Variants in NME7 observed in about 807,000 individuals in gnomAD.
NME7 encodes the protein nucleoside diphosphate kinase 7.
NME7 carries 41 observed loss-of-function variants against 49.1 expected under a neutral mutation model. The observed-to-expected ratio is 0.83, with a 90% confidence interval of 0.65 to 1.08. The LOEUF is 1.08. Ranked by LOEUF, NME7 falls within the 50% of genes least tolerant of loss-of-function variation. The pLI is 0.00. For synonymous variants in NME7, 139 were observed against 150.6 expected (o/e 0.92, Z 0.56); for missense variants, 423 against 463.4 (o/e 0.91, Z 0.80).
At position 169,242,293 on chromosome 1, in the gene NME7, A is replaced by G. The variant is rs540572008; in HGVS notation, c.755-4606T>C. On this transcript the variant is annotated intron_variant, in intron 7 of 11. Coordinates refer to ENST00000367811, the MANE Select transcript of NME7 (RefSeq NM_013330.5). ...TAAGGAAGAAAAATCACATGAACAC[A>G]TCAATATATGTTGATCACATATCTA... Among the ~76,000 whole-genome samples, 44 of 152,234 alleles carry G rather than the reference A, an allele frequency of 2.9e-4. No homozygotes were observed. The South Asian group carries it at 4.8e-3, about 16-fold the overall frequency.
intron 5 of NME7, among the ~76,000 whole-genome samples, chr1:169,302,895 C>T (rs1444510089): frequency 6.6e-6 from 1 of 151,976 alleles, no homozygotes; most frequent in Non-Finnish European, 1.5e-5. Flanking sequence ...AAAAGTTATC[C>T]TTCTTGTAAT....
chr1:169,352,431 A>C (rs1282380329), intron 1 of NME7, among the ~76,000 whole-genome samples: 2 of 152,134 alleles, frequency 1.3e-5, no homozygotes, highest in African/African-American at 4.8e-5. Context: ...CATATACTTC[A>C]ACATAATAAA....
At chr1:169,273,483 TA>T (rs1298615274) in intron 7 of NME7, among the ~76,000 whole-genome samples, 1 of 131,920 alleles carries the variant, frequency 7.6e-6, no homozygotes, top group African/African-American at 2.6e-5. Context: ...TATTATACTT[TA>T]AGTTTTAGGG....
chr1:169,339,162 CA>C (rs1652589761), intron 1 of NME7, among the ~76,000 whole-genome samples: 2 of 152,140 alleles, frequency 1.3e-5, no homozygotes, highest in Admixed American at 6.5e-5. Context: ...CTTCCATATT[CA>C]AAAAACTCCC....
intron 7 of NME7, among the ~76,000 whole-genome samples, chr1:169,252,113 C>T (rs1571327494): frequency 6.7e-6 from 1 of 149,614 alleles, no homozygotes; most frequent in South Asian, 2.2e-4. Flanking sequence ...ATTTCCAGTT[C>T]TAGATCCCTG....
intron 1 of NME7, among the ~76,000 whole-genome samples, chr1:169,347,317 A>G (rs1384929185): frequency 6.6e-6 from 1 of 152,220 alleles, no homozygotes; most frequent in Non-Finnish European, 1.5e-5. Context: ...TAACAACTAC[A>G]CTTGATCTGA....
intron 10 of NME7, among the ~76,000 whole-genome samples, chr1:169,225,687 C>A: frequency 6.6e-6 from 1 of 151,868 alleles, no homozygotes; most frequent in East Asian, 1.9e-4. Context: ...CTAATATTTC[C>A]CCCCTCCCTA....
chr1:169,316,904 G>A (rs1651650528), intron 3 of NME7, among the ~76,000 whole-genome samples: 1 of 150,738 alleles, frequency 6.6e-6, no homozygotes, highest in Non-Finnish European at 1.5e-5. Context: ...GTAGTAATTT[G>A]TTATAACTTC....
At chr1:169,189,242 A>G (rs534420113) in intron 10 of NME7, among the ~76,000 whole-genome samples, 1 of 152,342 alleles carries the variant, frequency 6.6e-6, no homozygotes, top group East Asian at 1.9e-4. Flanking sequence ...TAACTTATAC[A>G]TATTAACAGG....
At chr1:169,224,437 C>T (rs1363158023) in intron 10 of NME7, among the ~76,000 whole-genome samples, 1 of 152,164 alleles carries the variant, frequency 6.6e-6, no homozygotes, top group Non-Finnish European at 1.5e-5. Flanking sequence ...GCTAAGCTGT[C>T]TTCAGGTGTG....
intron 11 of NME7, among the ~76,000 whole-genome samples, chr1:169,154,094 A>G (rs1392687558): frequency 1.3e-5 from 2 of 152,056 alleles, no homozygotes; most frequent in Non-Finnish European, 1.5e-5. Flanking sequence ...GCTCATGGCA[A>G]CTTTGACCTC....
chr1:169,169,211 G>C lies in NME7; in HGVS notation c.1098+236C>G, dbSNP rs77423712. 2,824 of 411,762 alleles carry C rather than the reference G, an allele frequency of 6.9e-3. 54 individuals are homozygous for C. Among genetic ancestry groups the C allele is most frequent in the African/African-American group, 0.047 (2,305 of 48,736 alleles). The allele number at this position is 411,762 out of a possible 1,614,324, so 25.5% of individuals were successfully genotyped here. ...CACATACCAGGACTTGTCAGGGGGT[G>C]GGGGGGATAGGGGAGGGATAACATT... On this transcript the variant is annotated intron_variant, in intron 11 of 11. Transcript: ENST00000367811.
intron 10 of NME7, among the ~76,000 whole-genome samples, chr1:169,204,492 T>A (rs1208372): frequency 2.6e-4 from 40 of 152,074 alleles, no homozygotes; most frequent in African/African-American, 9.2e-4. Flanking sequence ...TTACTCAGCC[T>A]TGCAATCTCA....
intron 7 of NME7, among the ~76,000 whole-genome samples, chr1:169,257,516 AC>A (rs34147690): frequency 0.11 from 14,840 of 132,220 alleles, 3,763 homozygotes; most frequent in East Asian, 0.75. Context: ...TGCAGAAATC[AC>A]CCGTCTTCTG....
intron 7 of NME7, among the ~76,000 whole-genome samples, chr1:169,244,970 A>C (rs555114488): frequency 1.3e-5 from 2 of 152,194 alleles, no homozygotes; most frequent in East Asian, 3.9e-4. Flanking sequence ...CTCTACTAAA[A>C]ATACAAAAAT....
chr1:169,288,975 T>G (rs933720515), intron 6 of NME7, among the ~76,000 whole-genome samples: 1 of 147,728 alleles, frequency 6.8e-6, no homozygotes, highest in Non-Finnish European at 1.5e-5. Flanking sequence ...AGAGTTCCCA[T>G]TGGTCTGTTC....
At chr1:169,344,682 G>T (rs141058154) in intron 1 of NME7, among the ~76,000 whole-genome samples, 54 of 152,018 alleles carry the variant, frequency 3.6e-4, no homozygotes, top group Middle Eastern at 3.4e-3. Context: ...ATTGATTTTT[G>T]ATGTTAAATC....
chr1:169,170,981 C>T (rs1292904429), intron 10 of NME7, among the ~76,000 whole-genome samples: 2 of 152,072 alleles, frequency 1.3e-5, no homozygotes, highest in African/African-American at 4.8e-5. Flanking sequence ...CATTTTGTGA[C>T]ATAAGATGTA....
chr1:169,151,477 G>A (rs1004370205), intron 11 of NME7, among the ~76,000 whole-genome samples: 3 of 152,156 alleles, frequency 2.0e-5, no homozygotes, highest in Non-Finnish European at 4.4e-5. Flanking sequence ...TACTGGAGGT[G>A]GAGGGATTCC....
Sources: gnomAD v4.1 joint callset for allele counts (sites outside exome capture counted in the v4.1 genomes callset) on GRCh38, gnomAD v4.1.1 for gene constraint, MANE v1.5 for transcripts, NCBI Gene and HGNC (gene_info 2026-07-23, HGNC 2026-07-21) for gene names.